The following HSPH1 variants were observed in gnomAD, a reference collection of about 807,000 sequenced individuals.
The protein encoded by HSPH1 is heat shock protein 105 kDa.
A neutral mutation model predicts 100.0 loss-of-function variants in HSPH1; 40 were observed. That is an observed-to-expected ratio of 0.40 (90% confidence interval 0.31 to 0.52). The LOEUF (loss-of-function observed/expected upper bound fraction) is 0.52, where lower values mean the gene tolerates loss of function less well. HSPH1 is among the 20% of genes least tolerant of loss of function. The probability of loss-of-function intolerance (pLI) is 0.54; values close to 1 mark genes in which losing one functional copy is unlikely to be tolerated. For missense variants in HSPH1, 876 were observed against 1,015.1 expected (o/e 0.86, Z 1.86); for synonymous variants, 403 against 344.0 (o/e 1.17, Z -1.90).
rs1955914510 is a variant in HSPH1, at chr13:31,137,281, T to C, written c.*37A>G. Reference sequence around the variant, plus strand: ...AGAGTCACATACTATGGCAAAAATATTTTATTAATTGAAGGAATAGGCCAA... The same window carrying C: ...AGAGTCACATACTATGGCAAAAATACTTTATTAATTGAAGGAATAGGCCAA... On this transcript the variant is annotated 3_prime_UTR_variant, in exon 18 of 18. Transcript: ENST00000320027. 1 of 1,282,510 alleles carries C rather than the reference T, an allele frequency of 7.8e-7. No individual in the cohort carries two copies. The highest frequency in any genetic ancestry group is 1.5e-5 in the African/African-American group (1 of 67,028). 79.4% of individuals were successfully genotyped at this position (1,282,510 alleles called of 1,614,324 possible).
At chr13:31,154,784 C>G (rs1449565835) in intron 3 of HSPH1, 29 bp from the exon 4 acceptor site, 13 of 1,595,840 alleles carry the variant, frequency 8.1e-6, no homozygotes, top group Non-Finnish European at 1.1e-5. Flanking sequence ...ATGTTTTAAA[C>G]ATTGTAGTAC....
intron 12 of HSPH1, 24 bp from the exon 13 acceptor site, chr13:31,141,283 G>GA (rs755154514): frequency 1.3e-6 from 2 of 1,554,296 alleles, no homozygotes; most frequent in Non-Finnish European, 1.7e-6. Context: ...ATAAAAAAAG[G>GA]AAAAAATTTT....
intron 11 of HSPH1, 122 bp from the exon 12 acceptor site, chr13:31,144,045 A>T (rs753210752): frequency 8.7e-6 from 7 of 805,012 alleles, no homozygotes; most frequent in Non-Finnish European, 8.9e-6. Flanking sequence ...TGGGGAGAAA[A>T]GGTACTGGAT....
At chr13:31,153,549 C>A (rs1322868134) in intron 4 of HSPH1, among the ~76,000 whole-genome samples, 1 of 152,192 alleles carries the variant, frequency 6.6e-6, no homozygotes, top group Admixed American at 6.5e-5. Context: ...TCTTACAGCA[C>A]TGACTTGAGC....
At chr13:31,161,422 C>A in intron 1 of HSPH1, 54 bp downstream of exon 1, 1 of 1,598,834 alleles carries the variant, frequency 6.3e-7, no homozygotes, top group South Asian at 1.1e-5. Flanking sequence ...TCTTGGGTCC[C>A]CACACTAAGG....
chr13:31,157,010 T>C (rs1174738044), intron 2 of HSPH1, among the ~76,000 whole-genome samples: 6 of 152,252 alleles, frequency 3.9e-5, no homozygotes, highest in Admixed American at 3.3e-4. Context: ...TCTGAAATTA[T>C]TAGCTTAAAA....
intron 6 of HSPH1, 169 bp downstream of exon 6, chr13:31,151,440 T>C (rs1956483323): frequency 1.2e-5 from 8 of 686,912 alleles, no homozygotes; most frequent in Non-Finnish European, 1.4e-5. Flanking sequence ...GCTAAGACAA[T>C]TACATCATCT....
chr13:31,162,173 T>G, upstream of HSPH1: 1 of 1,295,112 alleles, frequency 7.7e-7, no homozygotes, highest in Non-Finnish European at 1.1e-6. Flanking sequence ...GGCGTTTTGC[T>G]GCCCTAATAA....
rs2137572987 is a variant in HSPH1 at position 31,145,842 on chromosome 13, C to G, written c.1379-74G>C. The G allele has an allele frequency of 4.3e-6, 6 of 1,405,638 alleles. No homozygotes were observed. The Middle Eastern group carries it at 7.0e-4, about 163-fold the overall frequency. 87.1% of individuals were successfully genotyped at this position (1,405,638 alleles called of 1,614,324 possible). On this transcript the variant is annotated intron_variant, in intron 10 of 17. Coordinates refer to ENST00000320027, the MANE Select transcript of HSPH1 (RefSeq NM_006644.4). ...AAGTCTAAATCTCTGTAGAGGAGGCCAGGTGGGTGGTTCATGTCTGTAATC... is the reference window on the plus strand; with the variant it reads ...AAGTCTAAATCTCTGTAGAGGAGGCGAGGTGGGTGGTTCATGTCTGTAATC...
intron 7 of HSPH1, 94 bp downstream of exon 7, chr13:31,150,853 T>C: frequency 2.4e-6 from 3 of 1,255,222 alleles, no homozygotes; most frequent in African/African-American, 3.0e-5. Context: ...TTCTGAAATG[T>C]AGGCCAAGAC....
rs2137629790 is a variant in HSPH1, at chr13:31,154,660, C to T, written c.402G>A (p.Lys134=). The T allele has an allele frequency of 1.9e-6, 3 of 1,614,102 alleles. No individual in the cohort carries two copies. In the East Asian group the frequency reaches 6.7e-5, roughly 36 times the overall value. The change falls in exon 4 of 18, where the codon AAG becomes AAA. Residue 134 remains lysine, a synonymous_variant. Transcript: ENST00000320027. ...KLKETAENSL[K]KPVTDCVISV... ...AAATAACACAATCTGTTACTGGTTT[C>T]TTGAGGCTGTTTTCAGCAGTTTCCT...
intron 14 of HSPH1, among the ~76,000 whole-genome samples, chr13:31,139,559 T>C (rs964084095): frequency 5.9e-5 from 9 of 152,072 alleles, no homozygotes; most frequent in Admixed American, 3.3e-4. Flanking sequence ...ACTCAGAGAA[T>C]GTCAGGACAG....
chr13:31,158,881 C>A lies in HSPH1; in HGVS notation c.108-18G>T, dbSNP rs758409358. The A allele has an allele frequency of 1.2e-5, 17 of 1,470,208 alleles. No individual in the cohort carries two copies. In the South Asian group the frequency reaches 1.7e-4, roughly 15 times the overall value. 91.1% of individuals were successfully genotyped at this position (1,470,208 alleles called of 1,614,324 possible). A position where few individuals can be genotyped will look rare whatever the true frequency, so the allele number is the denominator to read the frequency against. On this transcript the variant is annotated intron_variant, in intron 1 of 17. Transcript: ENST00000320027. The stretch of plus-strand genomic sequence containing the variant: ...TGACTGACCTAGAAAAAAATATATT[C>A]CAAAAAATTAAAAAGCATAAAGGTT...
rs1323834878 is a variant in HSPH1, at chr13:31,145,662, T to A, written c.1485A>T (p.Ala495=). 1 of 1,613,674 alleles carries A rather than the reference T, an allele frequency of 6.2e-7. No individual in the cohort carries two copies. The highest frequency in any genetic ancestry group is 1.1e-5 in the South Asian group (1 of 91,080). The change falls in exon 11 of 18, where the codon GCA becomes GCT. Residue 495 remains alanine, a synonymous_variant. Coordinates refer to ENST00000320027, the MANE Select transcript of HSPH1 (RefSeq NM_006644.4). ...CAGTTGGGACTTTCTCCACCATAGA[T>A]GCCGTAGAGATGGTGAAAATGCCAT... The part of the protein sequence containing the change: ...NTHGIFTIST[A]SMVEKVPTEE...
At chr13:31,140,848 G>A (rs541631053) in intron 13 of HSPH1, 18 of 264,966 alleles carry the variant, frequency 6.8e-5, no homozygotes, top group East Asian at 5.5e-4. Context: ...TTAGTGTGCC[G>A]TGAAATTCCA....
At chr13:31,150,239 T>C (rs539105772) in intron 7 of HSPH1, 57 bp from the exon 8 acceptor site, 1,340 of 1,202,264 alleles carry the variant, frequency 1.1e-3, no homozygotes, top group Non-Finnish European at 1.5e-3. Context: ...TGTCCTACTT[T>C]TGACAACCCA....
chr13:31,161,909 G>C (rs574945254), upstream of HSPH1: 3 of 1,511,180 alleles, frequency 2.0e-6, no homozygotes, highest in South Asian at 1.2e-5. Flanking sequence ...CGACCCAAAA[G>C]GGGAGGTCCC....
At position 31,161,631 on chromosome 13, in the gene HSPH1, G is replaced by A. The variant is rs562735406; in HGVS notation, c.-49C>T. ...CCTCGGGTCTCGGTCTGCGTCCTCC[G>A]GCCCCCTGCCTGCTTCTCCTGCCGC... On this transcript the variant is annotated 5_prime_UTR_variant, in exon 1 of 18. Coordinates refer to ENST00000320027, the MANE Select transcript of HSPH1 (RefSeq NM_006644.4). 7 of 1,603,132 alleles carry A rather than the reference G, an allele frequency of 4.4e-6. No homozygotes were observed. In the African/African-American group the frequency reaches 6.7e-5, roughly 15 times the overall value.
At chr13:31,154,955 G>C (rs1010677178) in intron 3 of HSPH1, among the ~76,000 whole-genome samples, 200 bp from the exon 4 acceptor site, 1 of 152,014 alleles carries the variant, frequency 6.6e-6, no homozygotes, top group African/African-American at 2.4e-5. Context: ...GAGAAAAAAA[G>C]AAAAAGGAAG....
Sources: allele counts gnomAD v4.1 joint callset (sites outside exome capture counted in the v4.1 genomes callset), GRCh38; gene constraint gnomAD v4.1.1; transcripts MANE v1.5; gene names NCBI Gene and HGNC (gene_info 2026-07-23, HGNC 2026-07-21).